Variants in TMEM275 observed in about 807,000 individuals in gnomAD.
TMEM275 encodes the protein transmembrane protein 275.
chr1:46,535,217 G>A (rs112892243), intron 1 of TMEM275, among the ~76,000 whole-genome samples: 1 of 152,166 alleles, frequency 6.6e-6, no homozygotes, highest in Non-Finnish European at 1.5e-5. Context: ...CACAGGATGC[G>A]CAGGTCAGAG....
chr1:46,534,292 G>A, intron 1 of TMEM275, among the ~76,000 whole-genome samples, 163 bp downstream of exon 2: 1 of 152,166 alleles, frequency 6.6e-6, no homozygotes, highest in Non-Finnish European at 1.5e-5. Context: ...CTGAACATCA[G>A]ATGAGGCCCT....
rs1203825527 is a variant in TMEM275 at position 46,533,268 on chromosome 1, C to T, written c.260G>A (p.Gly87Asp). 2.9e-6 allele frequency: 1 copy of T among 346,620 alleles called. No homozygotes were observed. The highest frequency in any genetic ancestry group is 4.3e-5 in the East Asian group (1 of 23,440). The allele number at this position is 346,620 out of a possible 1,614,324, so 21.5% of individuals were successfully genotyped here. A position where few individuals can be genotyped will look rare whatever the true frequency, so the allele number is the denominator to read the frequency against. ...CGCCGAGCGCCCACGGGGCGCGAGG[C>T]CCCGGCGGCTACACACGCAGCAGGC... is the stretch of plus-strand genomic sequence containing the variant. Residue 87 changes from glycine (G) to aspartate (D), a missense_variant, in exon 2 of 2, where the codon GGC (glycine) becomes GAC (aspartate). Physicochemically the swap from Gly to Asp is moderately conservative, Grantham distance 94. Coordinates refer to ENST00000634804, the Ensembl canonical transcript of TMEM275. The surrounding 1 kb of genome is among the most constrained non-coding windows in gnomAD (Gnocchi z 4.4).
Position 46,533,098 on chromosome 1 carries a change from C to CGGGGCT in TMEM275, c.424_429dup (p.Ser142_Pro143dup), listed in dbSNP as rs1666688859. The CGGGGCT allele has an allele frequency of 2.5e-6, 1 of 392,652 alleles. No homozygotes were observed. The highest frequency in any genetic ancestry group is 4.5e-6 in the Non-Finnish European group (1 of 222,470). The allele number at this position is 392,652 out of a possible 1,614,324, so 24.3% of individuals were successfully genotyped here. A position where few individuals can be genotyped will look rare whatever the true frequency, so the allele number is the denominator to read the frequency against. ...GCCTCCAGGGCGAGGGGGCTGGGGC[C>CGGGGCT]GGGGCTGGAGCAGCCGGAGGACGCG... On this transcript the variant is annotated inframe_insertion, in exon 2 of 2. Coordinates refer to ENST00000634804, the Ensembl canonical transcript of TMEM275. This position sits in a 1 kb window ranked among gnomAD's most constrained non-coding sequence, Gnocchi z 4.4.
rs1161071972 is a variant in TMEM275 at position 46,533,150 on chromosome 1, G to A, written c.378C>T (p.Ala126=). ...CGGAGACGGCAGGGCTGAGCTGCACGGCCGTGGTGTCCTGTGCCGTGGGCT... is the reference window on the plus strand; with the variant it reads ...CGGAGACGGCAGGGCTGAGCTGCACAGCCGTGGTGTCCTGTGCCGTGGGCT... Residue 126 remains alanine, a synonymous_variant, in exon 2 of 2, where the codon GCC becomes GCT. Coordinates refer to ENST00000634804, the Ensembl canonical transcript of TMEM275. The surrounding 1 kb of genome is among the most constrained non-coding windows in gnomAD (Gnocchi z 4.4). 2.6e-6 allele frequency: 1 copy of A among 387,548 alleles called. No individual in the cohort carries two copies. The highest frequency in any genetic ancestry group is 4.6e-6 in the Non-Finnish European group (1 of 219,196). The allele number at this position is 387,548 out of a possible 1,614,324, so 24.0% of individuals were successfully genotyped here.
At chr1:46,532,653 GGTGGCA>G (rs1482514781) in exon 2 of TMEM275, 3 of 191,010 alleles carry the variant, frequency 1.6e-5, no homozygotes, top group African/African-American at 2.3e-5. Flanking sequence ...GCCAGGGGGA[GGTGGCA>G]GTGTCAGGGT....
At chr1:46,534,425 A>C (rs563943400) in intron 1 of TMEM275, among the ~76,000 whole-genome samples, 30 bp downstream of exon 2, 1 of 152,188 alleles carries the variant, frequency 6.6e-6, no homozygotes, top group Admixed American at 6.5e-5. Flanking sequence ...CCCTTTCTAG[A>C]CTGGGCATTC....
Position 46,533,705 on chromosome 1 carries a change from T to C in TMEM275, c.-123-55A>G. Reference sequence around the variant, plus strand: ...AGCAGGGTATCTTGACCTCCAGTCCTAGGCTCCGTCTGTAGCTACACTGAG... The same window carrying C: ...AGCAGGGTATCTTGACCTCCAGTCCCAGGCTCCGTCTGTAGCTACACTGAG... On this transcript the variant is annotated intron_variant, in intron 1 of 1. Coordinates refer to ENST00000634804, the Ensembl canonical transcript of TMEM275. The surrounding 1 kb of genome is among the most constrained non-coding windows in gnomAD (Gnocchi z 4.4). 1 of 366,318 alleles carries C rather than the reference T, an allele frequency of 2.7e-6. No individual in the cohort carries two copies. The highest frequency in any genetic ancestry group is 4.9e-6 in the Non-Finnish European group (1 of 205,578). The allele number at this position is 366,318 out of a possible 1,614,324, so 22.7% of individuals were successfully genotyped here. A position where few individuals can be genotyped will look rare whatever the true frequency, so the allele number is the denominator to read the frequency against.
chr1:46,535,408 T>C (rs199701114), intron 1 of TMEM275, among the ~76,000 whole-genome samples: 1 of 87,074 alleles, frequency 1.1e-5, no homozygotes, highest in African/African-American at 5.8e-5. Flanking sequence ...ATGTTGACCC[T>C]TGAGGGCATC....
Sources: allele counts gnomAD v4.1 joint callset (sites outside exome capture counted in the v4.1 genomes callset), GRCh38; gene constraint gnomAD v4.1.1; non-coding constraint Gnocchi (gnomAD v3.1); transcripts MANE v1.5; gene names NCBI Gene and HGNC (gene_info 2026-07-23, HGNC 2026-07-21).